Variants in SLC14A2 observed in about 807,000 individuals in gnomAD.
SLC14A2 encodes solute carrier family 14 member 2.
SLC14A2 carries 91 observed loss-of-function variants against 104.6 expected under a neutral mutation model. The ratio of observed to expected loss-of-function variants is 0.87; its 90% CI spans 0.73 to 1.04. The LOEUF (loss-of-function observed/expected upper bound fraction) is 1.04. SLC14A2 is among the 50% of genes least tolerant of loss of function. SLC14A2 has a pLI of 0.00. For missense variants in SLC14A2, 1,189 were observed against 1,156.0 expected, an observed-to-expected ratio of 1.03 and a Z score of -0.41; for synonymous variants, 476 against 466.4, an observed-to-expected ratio of 1.02 and a Z score of -0.27.
At chr18:45,547,190 A>T (rs891647389) in intron 2 of SLC14A2, among the ~76,000 whole-genome samples, 3 of 152,192 alleles carry the variant, frequency 2.0e-5, no homozygotes, top group African/African-American at 7.2e-5. Context: ...AAAAGGAAAA[A>T]AAAAGAAAAA....
At chr18:45,604,628 A>G (rs946235091) in intron 2 of SLC14A2, among the ~76,000 whole-genome samples, 1 of 152,192 alleles carries the variant, frequency 6.6e-6, no homozygotes, top group Admixed American at 6.5e-5. Context: ...GTGGTCTCCA[A>G]ATTTCTTTAC....
At chr18:45,388,223 C>T (rs1031450278) in intron 1 of SLC14A2, among the ~76,000 whole-genome samples, 1 of 151,732 alleles carries the variant, frequency 6.6e-6, no homozygotes. Context: ...CCAACACGCC[C>T]GGCTAATTTT....
intron 1 of SLC14A2, among the ~76,000 whole-genome samples, chr18:45,478,456 T>C (rs2087427363): frequency 6.6e-6 from 1 of 152,218 alleles, no homozygotes; most frequent in Admixed American, 6.5e-5. Flanking sequence ...CTGTCTATGA[T>C]AGTTTGCTTG....
At chr18:45,295,214 C>A (rs2084907381) in intron 1 of SLC14A2, among the ~76,000 whole-genome samples, 1 of 152,128 alleles carries the variant, frequency 6.6e-6, no homozygotes, top group South Asian at 2.1e-4. Flanking sequence ...TGATATAGAC[C>A]AATGATGGGT....
chr18:45,615,567 C>A lies in SLC14A2; in HGVS notation c.-50C>A. On this transcript the variant is annotated 5_prime_UTR_variant, in exon 1 of 20. Transcript: ENST00000255226. Reference sequence around the variant, plus strand: ...TGACTGTAAGTTTCCTGAGGCCTCCCCAGCAATGTGGAAGTGTGAGTCAAT... The same window carrying A: ...TGACTGTAAGTTTCCTGAGGCCTCCACAGCAATGTGGAAGTGTGAGTCAAT... 6.6e-6 allele frequency: 1 copy of A among 152,186 alleles called. No homozygotes were observed. 9.4% of individuals were successfully genotyped at this position (152,186 alleles called of 1,614,324 possible). A position where few individuals can be genotyped will look rare whatever the true frequency, so the allele number is the denominator to read the frequency against.
chr18:45,657,571 AAAG>A (rs1027204937), intron 10 of SLC14A2, among the ~76,000 whole-genome samples: 34 of 152,152 alleles, frequency 2.2e-4, no homozygotes, highest in African/African-American at 7.9e-4. Context: ...AAAGGAAAGA[AAAG>A]AAAGAAAAGA....
chr18:45,472,103 C>T lies in SLC14A2; in HGVS notation c.-124-11130C>T, dbSNP rs1598873422. ...CCATGTGTTCTCGTTGTTCAACTCCCCCTTATGAGTGAGAATATGCAGTGT... is the reference window on the plus strand; with the variant it reads ...CCATGTGTTCTCGTTGTTCAACTCCTCCTTATGAGTGAGAATATGCAGTGT... On this transcript the variant is annotated intron_variant, in intron 1 of 20. Transcript: ENST00000586448. 2.0e-5 allele frequency among the ~76,000 whole-genome samples: 3 copies of T among 152,178 alleles called. No individual in the cohort carries two copies. In the South Asian group the frequency reaches 6.2e-4, roughly 32 times the overall value.
chr18:45,179,616 A>AG, the SLC14A2 span, among the ~76,000 whole-genome samples: 1 of 152,230 alleles, frequency 6.6e-6, no homozygotes, highest in African/African-American at 2.4e-5. Context: ...TGAATGCCGA[A>AG]GGAGAACACA....
At chr18:45,530,567 G>A (rs1379802128) in intron 2 of SLC14A2, among the ~76,000 whole-genome samples, 3 of 151,964 alleles carry the variant, frequency 2.0e-5, no homozygotes, top group Non-Finnish European at 2.9e-5. Flanking sequence ...TGTAAGTCTT[G>A]GGAACCATCT....
intron 1 of SLC14A2, among the ~76,000 whole-genome samples, chr18:45,473,920 T>C (rs567513536): frequency 2.0e-5 from 3 of 152,336 alleles, no homozygotes; most frequent in South Asian, 4.1e-4. Context: ...CTATGTTGAA[T>C]AGGAGTGGTA....
intron 1 of SLC14A2, among the ~76,000 whole-genome samples, chr18:45,471,621 G>A (rs147715252): frequency 1.1e-3 from 161 of 151,318 alleles, no homozygotes; most frequent in Middle Eastern, 3.4e-3. Context: ...CCATTTTCAT[G>A]TGTTCTGCTC....
chr18:45,515,687 C>T (rs1288679602), intron 2 of SLC14A2: 3 of 152,286 alleles, frequency 2.0e-5, no homozygotes, highest in African/African-American at 7.2e-5. Context: ...AGCCAACACT[C>T]GGGCAACCTG....
At chr18:45,201,744 T>C in the SLC14A2 span, among the ~76,000 whole-genome samples, 1 of 152,178 alleles carries the variant, frequency 6.6e-6, no homozygotes, top group Admixed American at 6.5e-5. Flanking sequence ...TGACTGGACA[T>C]TATTTTCTTT....
chr18:45,667,096 TA>T lies in SLC14A2; in HGVS notation c.1717+6del. On this transcript the variant is annotated splice_donor_region_variant and intron_variant, in intron 13 of 19. Coordinates refer to ENST00000255226, the MANE Select transcript of SLC14A2 (RefSeq NM_007163.4). ...AGGAGTGTGGAGAGGGACTTAAAGG[TA>T]AAATTCTATGAGAACAACACTGACC... 1 of 1,611,812 alleles carries T rather than the reference TA, an allele frequency of 6.2e-7. No individual in the cohort carries two copies. Among genetic ancestry groups the T allele is most frequent in the Non-Finnish European group, 8.5e-7 (1 of 1,178,794 alleles).
At chr18:45,281,471 A>G (rs2084761902) in intron 1 of SLC14A2, among the ~76,000 whole-genome samples, 1 of 152,224 alleles carries the variant, frequency 6.6e-6, no homozygotes, top group Admixed American at 6.5e-5. Flanking sequence ...TTCAAAGGCC[A>G]TTTGGATTAT....
chr18:45,279,910 G>A (rs746551548), intron 1 of SLC14A2, among the ~76,000 whole-genome samples: 1 of 152,138 alleles, frequency 6.6e-6, no homozygotes. Context: ...TGATGTGGTG[G>A]TTGGAGGGTG....
chr18:45,626,891 C>G, intron 3 of SLC14A2, 67 bp from the exon 4 acceptor site: 1 of 1,371,572 alleles, frequency 7.3e-7, no homozygotes, highest in Non-Finnish European at 1.0e-6. Flanking sequence ...GGTTGCCATG[C>G]CAACCAGCAG....
chr18:45,489,328 T>C (rs2087674752), intron 2 of SLC14A2, among the ~76,000 whole-genome samples: 1 of 152,070 alleles, frequency 6.6e-6, no homozygotes, highest in Non-Finnish European at 1.5e-5. Context: ...CTGGCCAACA[T>C]AGGGAAAACC....
chr18:45,678,956 T>TTTC lies in SLC14A2; in HGVS notation c.2513-17_2513-16insCTT. 1 of 1,261,740 alleles carries TTTC rather than the reference T, an allele frequency of 7.9e-7. No individual in the cohort carries two copies. Among genetic ancestry groups the TTTC allele is most frequent in the Non-Finnish European group, 1.1e-6 (1 of 941,128 alleles). 78.2% of individuals were successfully genotyped at this position (1,261,740 alleles called of 1,614,324 possible). A position where few individuals can be genotyped will look rare whatever the true frequency, so the allele number is the denominator to read the frequency against. ...AATAGTTACTGGTCTATTTCTTTCT[T>TTTC]TTTTTTTTTTTTTTCTAGCACTGTT... On this transcript the variant is annotated intron_variant, in intron 18 of 19. Coordinates refer to ENST00000255226, the MANE Select transcript of SLC14A2 (RefSeq NM_007163.4).
Sources: allele counts gnomAD v4.1 joint callset (sites outside exome capture counted in the v4.1 genomes callset), GRCh38; gene constraint gnomAD v4.1.1; transcripts MANE v1.5; gene names NCBI Gene and HGNC (gene_info 2026-07-23, HGNC 2026-07-21).